WIF1: variants seen among roughly 807,000 people sequenced by gnomAD.
WIF1 encodes the protein Wnt inhibitory factor 1.
In WIF1, 35 loss-of-function variants were observed where a neutral mutation model predicts 53.5. The ratio of observed to expected loss-of-function variants is 0.65; its 90% CI spans 0.50 to 0.87. The LOEUF is 0.87. Ranked by LOEUF, WIF1 falls within the 40% of genes least tolerant of loss-of-function variation. The pLI is 0.00. For synonymous variants in WIF1, 171 were observed against 170.4 expected (o/e 1.00, Z -0.03); for missense variants, 467 against 476.8 (o/e 0.98, Z 0.19).
intron 2 of WIF1, among the ~76,000 whole-genome samples, chr12:65,083,533 C>A (rs1036917009): frequency 1.3e-5 from 2 of 152,152 alleles, no homozygotes; most frequent in African/African-American, 4.8e-5. Context: ...TATAAAATCA[C>A]TAAGACTCTT....
chr12:65,055,309 G>A, intron 8 of WIF1, 96 bp from the exon 9 acceptor site: 1 of 1,374,598 alleles, frequency 7.3e-7, no homozygotes, highest in Non-Finnish European at 9.8e-7. Context: ...GAATGTGTTA[G>A]TTTTGGCTTC....
chr12:65,083,745 TCTTTC>T (rs59601005), intron 2 of WIF1: 23,443 of 326,702 alleles, frequency 0.072, 1,920 homozygotes, highest in East Asian at 0.31. Context: ...TCTTTTCTTT[TCTTTC>T]CTTTCCTTTC....
intron 2 of WIF1, among the ~76,000 whole-genome samples, chr12:65,106,383 A>AT (rs1323671630): frequency 1.3e-4 from 15 of 111,426 alleles, no homozygotes; most frequent in East Asian, 1.3e-3. Flanking sequence ...ATTTTTTTTT[A>AT]TTTTTTTTGT....
At chr12:65,098,072 C>G (rs1359693010) in intron 2 of WIF1, among the ~76,000 whole-genome samples, 2 of 152,110 alleles carry the variant, frequency 1.3e-5, no homozygotes, top group African/African-American at 2.4e-5. Context: ...ACATGTTGTG[C>G]TAGCATAATG....
At chr12:65,120,989 A>G in intron 1 of WIF1, 55 bp downstream of exon 1, 2 of 1,381,390 alleles carry the variant, frequency 1.4e-6, no homozygotes, top group Non-Finnish European at 1.9e-6. Flanking sequence ...TCTTTCTTGA[A>G]GAGTGGAGAG....
At chr12:65,055,646 G>T (rs967634019) in intron 8 of WIF1, among the ~76,000 whole-genome samples, 1 of 152,184 alleles carries the variant, frequency 6.6e-6, no homozygotes, top group Admixed American at 6.5e-5. Flanking sequence ...GCAGTGGCAG[G>T]TGCCTATAGT....
chr12:65,111,724 ATAACTGGTTCT>A (rs1361373548), intron 2 of WIF1, among the ~76,000 whole-genome samples: 2 of 152,190 alleles, frequency 1.3e-5, no homozygotes. Flanking sequence ...TCAAGAGCAG[ATAACTGGTTCT>A]TAATCATGTT....
At chr12:65,105,017 C>A (rs1592402762) in intron 2 of WIF1, among the ~76,000 whole-genome samples, 1 of 151,996 alleles carries the variant, frequency 6.6e-6, no homozygotes, top group Admixed American at 6.6e-5. Context: ...GTTTAAAATG[C>A]CTGTGGTCTG....
chr12:65,055,461 G>A (rs1267778667), intron 8 of WIF1, among the ~76,000 whole-genome samples: 1 of 152,190 alleles, frequency 6.6e-6, no homozygotes, highest in Admixed American at 6.5e-5. Context: ...GCTGGAGCAT[G>A]GAAGTTTATT....
At position 65,094,604 on chromosome 12, in the gene WIF1, G is replaced by A. The variant is rs190244199; in HGVS notation, c.289-16750C>T. ...AACAGAATTTTCTGATCTATCTAAG[G>A]GGGCAACAAAGAAGTCTGAATTGAA... is the stretch of plus-strand genomic sequence containing the variant. On this transcript the variant is annotated intron_variant, in intron 2 of 9. Coordinates refer to ENST00000286574, the MANE Select transcript of WIF1 (RefSeq NM_007191.5). Among the ~76,000 whole-genome samples the A allele has an allele frequency of 7.2e-5, 11 of 152,070 alleles. No individual in the cohort carries two copies. The East Asian group carries it at 1.9e-3, about 27-fold the overall frequency.
intron 2 of WIF1, among the ~76,000 whole-genome samples, chr12:65,089,506 CACCCTTA>C (rs1025437062): frequency 6.6e-6 from 1 of 152,160 alleles, no homozygotes; most frequent in Non-Finnish European, 1.5e-5. Context: ...TCCTACTTAA[CACCCTTA>C]ATGGTTTCTT....
At chr12:65,074,347 G>A (rs1055746659) in intron 3 of WIF1, among the ~76,000 whole-genome samples, 3 of 151,532 alleles carry the variant, frequency 2.0e-5, no homozygotes, top group African/African-American at 7.3e-5. Flanking sequence ...AAGTATAACT[G>A]GTAATTAATT....
At chr12:65,108,451 GT>G (rs1422177190) in intron 2 of WIF1, among the ~76,000 whole-genome samples, 2 of 152,152 alleles carry the variant, frequency 1.3e-5, no homozygotes, top group Non-Finnish European at 2.9e-5. Flanking sequence ...TAGAAAATAT[GT>G]ATCCAGGAAT....
intron 2 of WIF1, among the ~76,000 whole-genome samples, chr12:65,109,505 GT>G (rs1883398629): frequency 6.6e-6 from 1 of 152,134 alleles, no homozygotes; most frequent in Non-Finnish European, 1.5e-5. Context: ...TAATACCACA[GT>G]TATTATGATT....
chr12:65,114,890 A>G (rs1254024978), intron 2 of WIF1, among the ~76,000 whole-genome samples: 1 of 152,148 alleles, frequency 6.6e-6, no homozygotes, highest in African/African-American at 2.4e-5. Context: ...AAATGAAGGT[A>G]CCCCACTGAC....
At chr12:65,072,524 A>C (rs1190939814) in intron 3 of WIF1, among the ~76,000 whole-genome samples, 2 of 152,198 alleles carry the variant, frequency 1.3e-5, no homozygotes, top group East Asian at 3.8e-4. Flanking sequence ...GTCTGTCACA[A>C]ACTAGGTACC....
In WIF1 at chr12:65,065,885, T is replaced by G. The variant is rs142589300; in HGVS notation, c.730+756A>C. ...TAGGGCCAAGTTTGAATTCACTTACTAAGAGTAAAATCTGGCTGTGTTGCT... is the reference window on the plus strand; with the variant it reads ...TAGGGCCAAGTTTGAATTCACTTACGAAGAGTAAAATCTGGCTGTGTTGCT... On this transcript the variant is annotated intron_variant, in intron 6 of 9. Transcript: ENST00000286574. 8.0e-3 allele frequency among the ~76,000 whole-genome samples: 1,213 copies of G among 152,294 alleles called. 17 individuals carry two copies. Among genetic ancestry groups the G allele is most frequent in the African/African-American group, 0.027 (1,113 of 41,560 alleles).
rs1309860910 is a variant in WIF1, at chr12:65,121,207, C to T, written c.-16G>A. The T allele has an allele frequency of 6.8e-7, 1 of 1,469,436 alleles. No homozygotes were observed. Among genetic ancestry groups the T allele is most frequent in the Admixed American group, 2.4e-5 (1 of 41,054 alleles). The allele number at this position is 1,469,436 out of a possible 1,614,324, so 91.0% of individuals were successfully genotyped here. On this transcript the variant is annotated 5_prime_UTR_variant, in exon 1 of 10. Coordinates refer to ENST00000286574, the MANE Select transcript of WIF1 (RefSeq NM_007191.5). The stretch of plus-strand genomic sequence containing the variant: ...TCCGGGCCATGCTGCTCAGGACCTC[C>T]TCGCTGCCGGGAAAACTCCTCGTGC...
chr12:65,120,561 T>A lies in WIF1; in HGVS notation c.149-5A>T, dbSNP rs773672455. 2 of 1,602,582 alleles carry A rather than the reference T, an allele frequency of 1.2e-6. No homozygotes were observed. The highest frequency in any genetic ancestry group is 2.3e-5 in the South Asian group (2 of 88,216). On this transcript the variant is annotated splice_region_variant and splice_polypyrimidine_tract_variant and intron_variant, in intron 1 of 9. Coordinates refer to ENST00000286574, the MANE Select transcript of WIF1 (RefSeq NM_007191.5). ...TCAGGATATCTTCTTCAAATCCTGG[T>A]TTTTAAAATAATAAAACGATCAAAC...
Sources: allele counts gnomAD v4.1 joint callset (sites outside exome capture counted in the v4.1 genomes callset), GRCh38; gene constraint gnomAD v4.1.1; transcripts MANE v1.5; gene names NCBI Gene and HGNC (gene_info 2026-07-23, HGNC 2026-07-21).